TG: variants seen among roughly 807,000 people sequenced by gnomAD.
TG encodes the protein thyroid hormones.
Under a neutral mutation model 324.7 loss-of-function variants are expected in TG, and 270 were observed. The ratio of observed to expected loss-of-function variants is 0.83; its 90% CI spans 0.75 to 0.92. TG has a LOEUF of 0.92. Ranked by LOEUF, TG falls within the 40% of genes least tolerant of loss-of-function variation. TG has a pLI of 0.00. For missense variants in TG, 3,591 were observed against 3,456.4 expected (o/e 1.04, Z -0.98); for synonymous variants, 1,401 against 1,327.0 (o/e 1.06, Z -1.21).
chr8:132,967,666 G>A, intron 30 of TG, 128 bp from the exon 31 acceptor site: 1 of 1,038,964 alleles, frequency 9.6e-7, no homozygotes, highest in Non-Finnish European at 1.4e-6. Flanking sequence ...GATCATGACA[G>A]TCTCAGGCCT....
In TG at chr8:132,890,370, ACT is replaced by A. The variant is rs201380127; in HGVS notation, c.2761+1805_2761+1806del. On this transcript the variant is annotated intron_variant, in intron 10 of 47. Coordinates refer to ENST00000220616, the MANE Select transcript of TG (RefSeq NM_003235.5). Reference sequence around the variant, plus strand: ...ATTTTTGGGGGGGGTGCATATTCAAACTCTTTTGTTGATAAGGGTATGCAATT... The same window carrying A: ...ATTTTTGGGGGGGGTGCATATTCAAACTTTTGTTGATAAGGGTATGCAATT... Among the ~76,000 whole-genome samples, 116 of 152,186 alleles carry A rather than the reference ACT, an allele frequency of 7.6e-4. 4 individuals carry two copies. In the East Asian group the frequency reaches 0.02, roughly 26 times the overall value.
intron 41 of TG, chr8:133,073,369 T>C (rs1299025900): frequency 6.6e-6 from 1 of 152,212 alleles, no homozygotes; most frequent in African/African-American, 2.4e-5. Flanking sequence ...CTTCTTATTT[T>C]TTTTAGATGA....
intron 41 of TG, among the ~76,000 whole-genome samples, chr8:133,079,218 T>C (rs1455004816): frequency 1.3e-5 from 2 of 152,172 alleles, no homozygotes; most frequent in Non-Finnish European, 2.9e-5. Flanking sequence ...GCTTTAGGAC[T>C]CAAAAAGACA....
At chr8:132,925,617 G>GA (rs1354649082) in intron 22 of TG, among the ~76,000 whole-genome samples, 3 of 151,296 alleles carry the variant, frequency 2.0e-5, no homozygotes, top group Admixed American at 6.6e-5. Flanking sequence ...TTCTTGGGCA[G>GA]AAAAAAACAG....
rs199970675 is a variant in TG at position 133,044,970 on chromosome 8, T to G, written c.7239+14947T>G. 3.5e-4 allele frequency: 572 copies of G among 1,614,000 alleles called. 4 individuals are homozygous for G. In the African/African-American group the frequency reaches 6.4e-3, roughly 18 times the overall value. ...TCCCACCATCACAATCACTCCATAT[T>G]GTATGTCTCTTACCAGAATAGTGGT... On this transcript the variant is annotated intron_variant, in intron 41 of 47. Coordinates refer to ENST00000220616, the MANE Select transcript of TG (RefSeq NM_003235.5).
chr8:132,932,955 C>G (rs969299311), intron 23 of TG, among the ~76,000 whole-genome samples: 4 of 152,222 alleles, frequency 2.6e-5, no homozygotes, highest in Non-Finnish European at 5.9e-5. Flanking sequence ...AGTAACTGTA[C>G]AAGTTCTGAA....
At chr8:133,112,752 T>G (rs532985552) in intron 43 of TG, among the ~76,000 whole-genome samples, 14 of 152,176 alleles carry the variant, frequency 9.2e-5, no homozygotes, top group Non-Finnish European at 2.1e-4. Context: ...CAGCATTCCA[T>G]ATCCTTCGTA....
intron 41 of TG, among the ~76,000 whole-genome samples, chr8:133,045,507 A>T (rs1194789570): frequency 1.4e-5 from 2 of 140,268 alleles, no homozygotes; most frequent in Non-Finnish European, 3.0e-5. Flanking sequence ...GGATCCTCCC[A>T]CCTCAGCCTC....
chr8:132,982,498 T>A (rs554834263), intron 34 of TG, among the ~76,000 whole-genome samples: 1 of 152,332 alleles, frequency 6.6e-6, no homozygotes, highest in South Asian at 2.1e-4. Context: ...TCATCTTCGT[T>A]TTATCAATGC....
At chr8:133,102,915 G>A in intron 43 of TG, 1 of 300,870 alleles carries the variant, frequency 3.3e-6, no homozygotes, top group South Asian at 3.2e-5. Flanking sequence ...GTAGCAGTAG[G>A]GGGAGGGCAG....
At chr8:133,038,491 C>T (rs1837492857) in intron 41 of TG, 2 of 1,518,488 alleles carry the variant, frequency 1.3e-6, no homozygotes, top group African/African-American at 1.4e-5. Flanking sequence ...ACTTCTGTTC[C>T]TTTTGGGCAT....
intron 41 of TG, among the ~76,000 whole-genome samples, chr8:133,078,632 C>T (rs4736624): frequency 0.26 from 38,915 of 152,074 alleles, 5,261 homozygotes; most frequent in African/African-American, 0.31. Context: ...AGACGCTATG[C>T]ATGTAACTGT....
At chr8:133,038,313 G>T in intron 41 of TG, 1 of 589,588 alleles carries the variant, frequency 1.7e-6, no homozygotes, top group Non-Finnish European at 3.0e-6. Context: ...AATGTTTCGT[G>T]ATGCCACAGC....
At chr8:133,021,853 A>G in intron 39 of TG, 138 bp from the exon 40 acceptor site, 1 of 1,006,274 alleles carries the variant, frequency 9.9e-7, no homozygotes, top group Non-Finnish European at 1.5e-6. Context: ...TTAGAGGGAC[A>G]CAGCTCCATC....
intron 35 of TG, among the ~76,000 whole-genome samples, chr8:132,999,094 A>T (rs1201713806): frequency 6.6e-6 from 1 of 152,068 alleles, no homozygotes; most frequent in Non-Finnish European, 1.5e-5. Flanking sequence ...CATGGTAAGA[A>T]CCCTGGTTTC....
intron 41 of TG, among the ~76,000 whole-genome samples, chr8:133,031,101 G>A (rs945461162): frequency 4.6e-5 from 7 of 152,176 alleles, no homozygotes; most frequent in African/African-American, 1.4e-4. Context: ...CAGAACCTCT[G>A]TATCCTTTAA....
chr8:132,973,335 G>A (rs1382796115), intron 34 of TG, among the ~76,000 whole-genome samples: 1 of 152,128 alleles, frequency 6.6e-6, no homozygotes, highest in African/African-American at 2.4e-5. Flanking sequence ...CAACCAATGT[G>A]TATTTGACAA....
chr8:132,971,037 T>G (rs1455691892), intron 32 of TG, among the ~76,000 whole-genome samples: 1 of 152,134 alleles, frequency 6.6e-6, no homozygotes, highest in Non-Finnish European at 1.5e-5. Context: ...GGCTAAGTGT[T>G]TGAGAAAGCT....
At chr8:133,104,621 G>A (rs2131712733) in intron 43 of TG, among the ~76,000 whole-genome samples, 1 of 152,282 alleles carries the variant, frequency 6.6e-6, no homozygotes, top group Non-Finnish European at 1.5e-5. Context: ...AGAAAAGAAA[G>A]CATTTCCAAA....
Sources: allele counts gnomAD v4.1 joint callset (sites outside exome capture counted in the v4.1 genomes callset), GRCh38; gene constraint gnomAD v4.1.1; transcripts MANE v1.5; gene names NCBI Gene and HGNC (gene_info 2026-07-23, HGNC 2026-07-21).